The following MYO3B variants were observed in gnomAD, a reference collection of about 807,000 sequenced individuals.
MYO3B encodes myosin-IIIb.
A neutral mutation model predicts 174.6 loss-of-function variants in MYO3B; 156 were observed. The observed-to-expected ratio is 0.89, with a 90% CI of 0.78 to 1.02. The LOEUF is 1.02. MYO3B is among the 50% of genes least tolerant of loss of function. The pLI is 0.00. For synonymous variants in MYO3B, 563 were observed against 569.1 expected, an observed-to-expected ratio of 0.99 and a Z score of 0.15; for missense variants, 1,632 against 1,639.4, an observed-to-expected ratio of 1.00 and a Z score of 0.08.
intron 10 of MYO3B, 98 bp downstream of exon 10, chr2:170,382,210 G>A: frequency 1.0e-6 from 1 of 973,760 alleles, no homozygotes; most frequent in Admixed American, 1.9e-5. Context: ...AAGGTCATTT[G>A]AAAATTTAAT....
At position 170,329,461 on chromosome 2, in the gene MYO3B, A is replaced by G. The variant is rs570578532; in HGVS notation, c.750-5924A>G. 4.0e-5 allele frequency among the ~76,000 whole-genome samples: 6 copies of G among 151,672 alleles called. No homozygotes were observed. The East Asian group carries it at 1.2e-3, about 29-fold the overall frequency. On this transcript the variant is annotated intron_variant, in intron 7 of 34. Transcript: ENST00000408978. ...AGTGATGCCATCTTGGCTCACTGCAATCTCCACCTCACAGGTTCCAGTGAT... is the reference window on the plus strand; with the variant it reads ...AGTGATGCCATCTTGGCTCACTGCAGTCTCCACCTCACAGGTTCCAGTGAT...
intron 32 of MYO3B, among the ~76,000 whole-genome samples, chr2:170,634,437 T>A (rs1445463005): frequency 5.9e-5 from 9 of 152,070 alleles, no homozygotes; most frequent in Non-Finnish European, 1.0e-4. Flanking sequence ...GGAAACTGGA[T>A]CCCTTCCTTA....
chr2:170,533,425 T>TG (rs10706524), intron 30 of MYO3B, among the ~76,000 whole-genome samples: 2,716 of 115,496 alleles, frequency 0.024, 28 homozygotes, highest in East Asian at 0.086. Context: ...TTTGTGGGGG[T>TG]GGGGGGGGGG....
At position 170,206,989 on chromosome 2, in the gene MYO3B, C is replaced by T. The variant is rs1169533363; in HGVS notation, c.321+6705C>T. Among the ~76,000 whole-genome samples, 1 of 152,128 alleles carries T rather than the reference C, an allele frequency of 6.6e-6. No homozygotes were observed. Among genetic ancestry groups the T allele is most frequent in the Non-Finnish European group, 1.5e-5 (1 of 68,026 alleles). ...AGAGCATGAAGTTCTGAGTGTCTTA[C>T]AAGTTGTGAGCAGATTGTAGAAAAC... On this transcript the variant is annotated intron_variant, in intron 3 of 34. Coordinates refer to ENST00000408978, the MANE Select transcript of MYO3B (RefSeq NM_138995.5). The surrounding 1 kb of genome is among the most constrained non-coding windows in gnomAD (Gnocchi z 4.3).
Position 170,463,407 on chromosome 2 carries a change from A to G in MYO3B, c.2770A>G (p.Thr924Ala), listed in dbSNP as rs551326490. 1.4e-5 allele frequency: 23 copies of G among 1,614,118 alleles called. 1 individual carries two copies. In the African/African-American group the frequency reaches 2.4e-4, roughly 17 times the overall value. ...GGTGATACGGCATCCGGAAGAAACC[A>G]CCAACATGAAGAGGCAAACTGTGGC... ...LEVIRHPEET[T>A]NMKRQTVASY... The change falls in exon 24 of 35, where the codon ACC becomes GCC. Residue 924 changes from threonine to alanine, a missense_variant. Transcript: ENST00000408978.
intron 32 of MYO3B, among the ~76,000 whole-genome samples, chr2:170,643,350 C>A (rs1190497727): frequency 6.6e-6 from 1 of 152,182 alleles, no homozygotes; most frequent in African/African-American, 2.4e-5. Flanking sequence ...GAAGCTATTT[C>A]ATGGGAGTAT....
chr2:170,571,870 C>T (rs1010129147), intron 32 of MYO3B, among the ~76,000 whole-genome samples: 6 of 152,152 alleles, frequency 3.9e-5, no homozygotes, highest in African/African-American at 1.2e-4. Flanking sequence ...TTTTCAACAA[C>T]TTTTTAAGGC....
chr2:170,447,172 T>C (rs1683265306), intron 23 of MYO3B, among the ~76,000 whole-genome samples: 1 of 152,186 alleles, frequency 6.6e-6, no homozygotes, highest in African/African-American at 2.4e-5. Context: ...TTCTGCTGTT[T>C]AAATGCCTAA....
intron 22 of MYO3B, among the ~76,000 whole-genome samples, chr2:170,418,109 C>G (rs11884305): frequency 0.06 from 9,128 of 152,230 alleles, 312 homozygotes; most frequent in Non-Finnish European, 0.069. Flanking sequence ...AGTGAGGTCA[C>G]GTCCTAGTTT....
intron 12 of MYO3B, among the ~76,000 whole-genome samples, chr2:170,385,662 T>C (rs574694344): frequency 3.0e-4 from 45 of 152,298 alleles, no homozygotes; most frequent in African/African-American, 1.1e-3. Flanking sequence ...GCCTCATTCA[T>C]AATTTTTAAA....
At chr2:170,436,679 A>G (rs1450880074) in intron 22 of MYO3B, among the ~76,000 whole-genome samples, 1 of 152,246 alleles carries the variant, frequency 6.6e-6, no homozygotes, top group Non-Finnish European at 1.5e-5. Flanking sequence ...CACTGTAGGT[A>G]AAAATGCAAA....
rs1367158806 is a variant in MYO3B, at chr2:170,407,826, A to G, written c.2632A>G (p.Ile878Val). 4 of 1,613,874 alleles carry G rather than the reference A, an allele frequency of 2.5e-6. No individual in the cohort carries two copies. In the South Asian group the frequency reaches 3.3e-5, roughly 13 times the overall value. Residue 878 changes from isoleucine to valine, a missense_variant, in exon 22 of 35, where the codon ATC becomes GTC. Transcript: ENST00000408978. ...CAAGCTTCTTCAGCAGCTCTTCTCA[A>G]TCCCTCTGACCAAAACAGGTACTTG... The part of the protein sequence containing the change: ...ENKLLQQLFS[I>V]PLTKTGNLAQ...
Position 170,214,560 on chromosome 2 carries a change from A to G in MYO3B, c.426+77A>G, listed in dbSNP as rs1033290029. 8.3e-6 allele frequency: 12 copies of G among 1,446,312 alleles called. No homozygotes were observed. In the African/African-American group the frequency reaches 1.4e-4, roughly 17 times the overall value. 89.6% of individuals were successfully genotyped at this position (1,446,312 alleles called of 1,614,324 possible). A position where few individuals can be genotyped will look rare whatever the true frequency, so the allele number is the denominator to read the frequency against. ...TTGCTTGGGTCCTTATTGCATATTA[A>G]CAATGGGGAAACTGCCCTATGATAT... On this transcript the variant is annotated intron_variant, in intron 4 of 34. Transcript: ENST00000408978.
intron 5 of MYO3B, among the ~76,000 whole-genome samples, chr2:170,216,348 C>T (rs1384630540): frequency 6.6e-6 from 1 of 152,196 alleles, no homozygotes; most frequent in Non-Finnish European, 1.5e-5. Flanking sequence ...AGCATTTTCA[C>T]ATTTGTTCTC....
intron 30 of MYO3B, 82 bp downstream of exon 30, chr2:170,519,622 C>T: frequency 8.8e-7 from 1 of 1,142,658 alleles, no homozygotes; most frequent in Non-Finnish European, 1.3e-6. Flanking sequence ...ATGGATAATG[C>T]AACAAGTATT....
At chr2:170,650,822 C>T (rs1489774511) in intron 32 of MYO3B, among the ~76,000 whole-genome samples, 3 of 151,332 alleles carry the variant, frequency 2.0e-5, no homozygotes. Context: ...TAGCTGGGAT[C>T]ACAGGTGTGC....
rs115443357 is a variant in MYO3B at position 170,219,220 on chromosome 2, C to T, written c.603+1825C>T. 8.6e-3 allele frequency among the ~76,000 whole-genome samples: 1,317 copies of T among 152,334 alleles called. 7 individuals are homozygous for T. Among genetic ancestry groups the T allele is most frequent in the Middle Eastern group, 0.02 (6 of 294 alleles). ...GTTTCCACCACGTCCTTAGACCCTC[C>T]CTTAATACAGTATCACCACTGCATT... On this transcript the variant is annotated intron_variant, in intron 6 of 34. Coordinates refer to ENST00000408978, the MANE Select transcript of MYO3B (RefSeq NM_138995.5).
In MYO3B at chr2:170,286,000, T is replaced by C. The variant is rs531833073; in HGVS notation, c.750-49385T>C. ...TATCATGTCATGTCTACCATATATC[T>C]AGATCCCACCTATATGTGGATCTAT... On this transcript the variant is annotated intron_variant, in intron 7 of 34. Coordinates refer to ENST00000408978, the MANE Select transcript of MYO3B (RefSeq NM_138995.5). Among the ~76,000 whole-genome samples, 6 of 152,332 alleles carry C rather than the reference T, an allele frequency of 3.9e-5. No homozygotes were observed. In the South Asian group the frequency reaches 6.2e-4, roughly 16 times the overall value.
At chr2:170,546,891 A>G (rs1259896047) in intron 32 of MYO3B, among the ~76,000 whole-genome samples, 3 of 152,126 alleles carry the variant, frequency 2.0e-5, no homozygotes, top group African/African-American at 7.2e-5. Context: ...TCGTTATTCT[A>G]TGAAGGGGTC....
Sources: allele counts gnomAD v4.1 joint callset (sites outside exome capture counted in the v4.1 genomes callset), GRCh38; gene constraint gnomAD v4.1.1; non-coding constraint Gnocchi (gnomAD v3.1); transcripts MANE v1.5; gene names NCBI Gene and HGNC (gene_info 2026-07-23, HGNC 2026-07-21).